Variants in SLC5A11 observed in about 807,000 individuals in gnomAD.
The protein encoded by SLC5A11 is solute carrier family 5 member 11.
A neutral mutation model predicts 69.8 loss-of-function variants in SLC5A11; 48 were observed. The ratio of observed to expected loss-of-function variants is 0.69; its 90% confidence interval spans 0.55 to 0.87. SLC5A11 has a LOEUF of 0.87. Ranked by LOEUF, SLC5A11 falls within the 40% of genes least tolerant of loss-of-function variation. SLC5A11 has a pLI of 0.00. For missense variants in SLC5A11, 784 were observed against 866.1 expected (o/e 0.91, Z 1.19); for synonymous variants, 319 against 342.4 (o/e 0.93, Z 0.75).
chr16:24,877,889 CA>C (rs1195239946), intron 7 of SLC5A11, among the ~76,000 whole-genome samples: 1 of 152,236 alleles, frequency 6.6e-6, no homozygotes, highest in Non-Finnish European at 1.5e-5. Flanking sequence ...GAGGCCGAGG[CA>C]GGAGAATCAC....
At position 24,869,859 on chromosome 16, in the gene SLC5A11, T is replaced by C. The variant is rs376822496; in HGVS notation, c.208-42T>C. The C allele has an allele frequency of 2.7e-6, 4 of 1,457,110 alleles. No individual in the cohort carries two copies. The African/African-American group carries it at 5.6e-5, about 20-fold the overall frequency. The allele number at this position is 1,457,110 out of a possible 1,614,324, so 90.3% of individuals were successfully genotyped here. The stretch of plus-strand genomic sequence containing the variant: ...AATTGGGGGTGGGGAGCAGGTACCC[T>C]TGACTTTGTCTCCAAGATCTGACCC... On this transcript the variant is annotated intron_variant, in intron 3 of 15. Transcript: ENST00000347898.
intron 9 of SLC5A11, among the ~76,000 whole-genome samples, chr16:24,892,953 C>A (rs576719720): frequency 6.6e-6 from 1 of 151,968 alleles, no homozygotes; most frequent in East Asian, 1.9e-4. Context: ...AGGACTGATC[C>A]GGGCTAACAT....
chr16:24,861,250 G>A (rs998081908), intron 2 of SLC5A11, among the ~76,000 whole-genome samples: 9 of 152,130 alleles, frequency 5.9e-5, no homozygotes, highest in African/African-American at 1.4e-4. Flanking sequence ...TTGGGAGGCC[G>A]AAGTGAACAG....
At chr16:24,894,709 G>A (rs1353852880) in intron 9 of SLC5A11, among the ~76,000 whole-genome samples, 1 of 152,120 alleles carries the variant, frequency 6.6e-6, no homozygotes, top group Non-Finnish European at 1.5e-5. Flanking sequence ...GCTGAGGCAA[G>A]AGAATAGCTG....
At chr16:24,868,539 C>T (rs1249268881) in intron 3 of SLC5A11, among the ~76,000 whole-genome samples, 2 of 144,284 alleles carry the variant, frequency 1.4e-5, no homozygotes, top group Non-Finnish European at 3.0e-5. Flanking sequence ...ATGGAGCTTG[C>T]GGTGAGCTGA....
chr16:24,909,035 C>T lies in SLC5A11; in HGVS notation c.1589C>T (p.Thr530Met), dbSNP rs113296816. The change falls in exon 14 of 16, where the codon ACG (threonine) becomes ATG (methionine). Residue 530 changes from threonine to methionine, a missense_variant. Thr to Met is a moderately conservative substitution (Grantham distance 81, BLOSUM62 -1). Around this residue, in one of 3 missense-constraint regions of SLC5A11, gnomAD observed 550 missense variants for 606.4 expected, o/e 0.91. Coordinates refer to ENST00000347898, the Ensembl canonical transcript of SLC5A11. The stretch of plus-strand genomic sequence containing the variant: ...CTCTACTTCTCCATGATCCTGTCCA[C>T]GGTCACCCTCATCACTGTCTCCACC... 462 of 1,614,162 alleles carry T rather than the reference C, an allele frequency of 2.9e-4. 3 individuals are homozygous for T. The African/African-American group carries it at 3.9e-3, about 13-fold the overall frequency.
intron 3 of SLC5A11, 110 bp from the exon 5 acceptor site, chr16:24,869,791 C>T: frequency 1.4e-6 from 1 of 728,342 alleles, no homozygotes; most frequent in South Asian, 1.8e-5. Flanking sequence ...GGTGGCCCTG[C>T]CTTCCTCTAC....
intron 10 of SLC5A11, among the ~76,000 whole-genome samples, chr16:24,906,166 C>A (rs920754369): frequency 1.3e-5 from 2 of 151,894 alleles, no homozygotes; most frequent in Non-Finnish European, 2.9e-5. Flanking sequence ...CATGGCAAAA[C>A]CCCATCTCTA....
intron 2 of SLC5A11, among the ~76,000 whole-genome samples, chr16:24,859,619 T>TA (rs139668189): frequency 0.14 from 20,952 of 152,220 alleles, 1,885 homozygotes; most frequent in Non-Finnish European, 0.2. Context: ...CAAATTTTAA[T>TA]TGCATATTTC....
At position 24,911,579 on chromosome 16, in the gene SLC5A11, C is replaced by G. The variant is rs371668463; in HGVS notation, c.*46C>G. ...CCAAACTCTGTTTCTCTTCAGTGCT[C>G]CATTTTTTTAATGAAAGAAAAAATA... On this transcript the variant is annotated 3_prime_UTR_variant, in exon 16 of 16. Transcript: ENST00000347898. The G allele has an allele frequency of 3.8e-5, 59 of 1,566,014 alleles. No homozygotes were observed. In the African/African-American group the frequency reaches 7.8e-4, roughly 21 times the overall value.
chr16:24,893,704 G>A (rs1467973489), intron 9 of SLC5A11, among the ~76,000 whole-genome samples: 1 of 152,080 alleles, frequency 6.6e-6, no homozygotes, highest in Non-Finnish European at 1.5e-5. Flanking sequence ...CTGAGTAGCT[G>A]GGACTATAGG....
At chr16:24,868,584 A>AGAG (rs2047068359) in intron 3 of SLC5A11, among the ~76,000 whole-genome samples, 1 of 133,404 alleles carries the variant, frequency 7.5e-6, no homozygotes, top group Admixed American at 8.1e-5. Flanking sequence ...GGGAGACAGC[A>AGAG]AGACTCCGCC....
chr16:24,864,360 A>G (rs546261367), intron 3 of SLC5A11, among the ~76,000 whole-genome samples: 1 of 152,366 alleles, frequency 6.6e-6, no homozygotes, highest in African/African-American at 2.4e-5. Context: ...TTCAGTCATT[A>G]GCTGCCCAAT....
intron 10 of SLC5A11, among the ~76,000 whole-genome samples, chr16:24,900,032 G>T (rs1166279921): frequency 6.6e-6 from 1 of 152,098 alleles, no homozygotes; most frequent in Non-Finnish European, 1.5e-5. Flanking sequence ...AATCTCATGG[G>T]ATATCGAGGC....
intron 1 of SLC5A11, among the ~76,000 whole-genome samples, chr16:24,850,701 T>C (rs938249988): frequency 6.6e-6 from 1 of 152,208 alleles, no homozygotes; most frequent in Non-Finnish European, 1.5e-5. Context: ...CAGCTTTGTT[T>C]TCCTCACCTG....
At chr16:24,868,416 C>G (rs1347057023) in intron 3 of SLC5A11, among the ~76,000 whole-genome samples, 2 of 150,106 alleles carry the variant, frequency 1.3e-5, no homozygotes, top group Non-Finnish European at 3.0e-5. Flanking sequence ...CGGTGAAACC[C>G]CGTCTCTACT....
chr16:24,901,910 T>A (rs2049622600), intron 10 of SLC5A11, among the ~76,000 whole-genome samples: 1 of 146,100 alleles, frequency 6.8e-6, no homozygotes, highest in Admixed American at 6.9e-5. Flanking sequence ...CATGGCAAGA[T>A]CCCATCTCTG....
chr16:24,849,591 AAAATATATATATATAT>A (rs1219915570), intron 1 of SLC5A11, among the ~76,000 whole-genome samples: 2 of 57,524 alleles, frequency 3.5e-5, no homozygotes, highest in South Asian at 6.5e-4. Flanking sequence ...AAAAAAAAAA[AAAATATATATATATAT>A]ATATATATAT....
Position 24,888,940 on chromosome 16 carries a change from G to A in SLC5A11, c.665-1929G>A, listed in dbSNP as rs181362595. 7.5e-4 allele frequency among the ~76,000 whole-genome samples: 113 copies of A among 151,544 alleles called. 3 individuals carry two copies. Among genetic ancestry groups the A allele is most frequent in the Middle Eastern group, 3.4e-3 (1 of 290 alleles). ...GCCTCCTGAGTAACTGGGACTACAG[G>A]CATGCATCACCATGCCTGGTTAATT... On this transcript the variant is annotated intron_variant, in intron 8 of 15. Coordinates refer to ENST00000347898, the Ensembl canonical transcript of SLC5A11.
Sources: gnomAD v4.1 joint callset for allele counts (sites outside exome capture counted in the v4.1 genomes callset) on GRCh38, gnomAD v4.1.1 for gene constraint, gnomAD v4.1.1 regional missense constraint, MANE v1.5 for transcripts, NCBI Gene and HGNC (gene_info 2026-07-23, HGNC 2026-07-21) for gene names.